ADSS2: variants seen among roughly 807,000 people sequenced by gnomAD.
ADSS2 encodes adenylosuccinate synthase 2.
Under a neutral mutation model 60.0 loss-of-function variants are expected in ADSS2, and 30 were observed. The ratio of observed to expected loss-of-function variants is 0.50; its 90% CI spans 0.37 to 0.68. The LOEUF (loss-of-function observed/expected upper bound fraction) is 0.68, where lower values mean the gene tolerates loss of function less well. ADSS2 is among the 30% of genes least tolerant of loss of function. ADSS2 has a pLI of 0.00. For missense variants in ADSS2, 373 were observed against 554.8 expected (o/e 0.67, Z 3.29); for synonymous variants, 187 against 193.1 (o/e 0.97, Z 0.26).
At chr1:244,445,282 CAACAT>C (rs1373287306) in intron 1 of ADSS2, among the ~76,000 whole-genome samples, 1 of 152,162 alleles carries the variant, frequency 6.6e-6, no homozygotes, top group Non-Finnish European at 1.5e-5. Context: ...AAACTTACTA[CAACAT>C]AATATACACC....
intron 2 of ADSS2, among the ~76,000 whole-genome samples, chr1:244,437,168 A>C (rs1433035336): frequency 5.9e-5 from 9 of 152,208 alleles, no homozygotes. Context: ...GTCACAGTAC[A>C]TGCTAAATCA....
intron 1 of ADSS2, among the ~76,000 whole-genome samples, chr1:244,444,480 A>G (rs1665333394): frequency 1.6e-5 from 2 of 127,310 alleles, no homozygotes; most frequent in Admixed American, 9.0e-5. Context: ...CCGCCACTGC[A>G]CTCCAGCCTG....
chr1:244,413,090 G>C (rs1478495554), intron 11 of ADSS2, among the ~76,000 whole-genome samples: 1 of 152,200 alleles, frequency 6.6e-6, no homozygotes, highest in Non-Finnish European at 1.5e-5. Context: ...TTTGCCAGTA[G>C]GTACCAAGAG....
intron 1 of ADSS2, among the ~76,000 whole-genome samples, chr1:244,441,826 C>G (rs147143809): frequency 6.6e-6 from 1 of 151,860 alleles, no homozygotes; most frequent in East Asian, 1.9e-4. Flanking sequence ...CGTGGTGGCA[C>G]GTGCCTGTAG....
chr1:244,451,583 G>A lies in ADSS2; in HGVS notation c.183+52C>T. On this transcript the variant is annotated intron_variant, in intron 1 of 12. Transcript: ENST00000366535. The surrounding 1 kb of genome is among the most constrained non-coding windows in gnomAD (Gnocchi z 6.6). ...CCGAGTTCCCGGGCACCAGGAGCCA[G>A]GCAGCCCGAGCTCCCGGGCCCGGCT... The A allele has an allele frequency of 6.5e-7, 1 of 1,545,466 alleles. No homozygotes were observed. Among genetic ancestry groups the A allele is most frequent in the Non-Finnish European group, 8.7e-7 (1 of 1,147,540 alleles).
Position 244,451,549 on chromosome 1 carries a change from G to T in ADSS2, c.183+86C>A. 7.0e-7 allele frequency: 1 copy of T among 1,427,320 alleles called. No individual in the cohort carries two copies. Among genetic ancestry groups the T allele is most frequent in the Non-Finnish European group, 9.4e-7 (1 of 1,067,578 alleles). The allele number at this position is 1,427,320 out of a possible 1,614,324, so 88.4% of individuals were successfully genotyped here. ...ACCTCATTTTGGCCAGTGGATCCGG[G>T]TTCTGGGTCCGAGTTCCCGGGCACC... is the stretch of plus-strand genomic sequence containing the variant. On this transcript the variant is annotated intron_variant, in intron 1 of 12. Transcript: ENST00000366535. The surrounding 1 kb of genome is among the most constrained non-coding windows in gnomAD (Gnocchi z 6.6).
At chr1:244,432,666 T>TTC in intron 3 of ADSS2, 71 bp from the exon 4 acceptor site, 1 of 962,970 alleles carries the variant, frequency 1.0e-6, no homozygotes, top group Non-Finnish European at 1.5e-6. Flanking sequence ...ATTTCTTTTT[T>TTC]TTTTTTTTTT....
At position 244,417,711 on chromosome 1, in the gene ADSS2, A is replaced by G. The variant is rs1359226392; in HGVS notation, c.987T>C (p.Gly329=). 2 of 1,613,370 alleles carry G rather than the reference A, an allele frequency of 1.2e-6. No homozygotes were observed. The highest frequency in any genetic ancestry group is 2.7e-5 in the African/African-American group (2 of 74,914). ...ATCTTCTTTTCCTTCCAGTAGTTACACCAAACTCTCTACCCCTTGTTTGTA... is the reference window on the plus strand; with the variant it reads ...ATCTTCTTTTCCTTCCAGTAGTTACGCCAAACTCTCTACCCCTTGTTTGTA... ...ELLQTRGREF[G]VTTGRKRRCG... Residue 329 remains glycine (G), a synonymous_variant, in exon 10 of 13, where the codon GGT becomes GGC. Transcript: ENST00000366535.
chr1:244,427,656 A>C (rs1258666089), intron 4 of ADSS2, among the ~76,000 whole-genome samples: 1 of 152,188 alleles, frequency 6.6e-6, no homozygotes, highest in Admixed American at 6.5e-5. Flanking sequence ...AGTAATCTTA[A>C]GGCAACTCTA....
At chr1:244,424,193 A>G in intron 5 of ADSS2, 128 bp downstream of exon 5, 2 of 1,206,614 alleles carry the variant, frequency 1.7e-6, no homozygotes, top group Non-Finnish European at 1.2e-6. Context: ...ATATGTTCAT[A>G]ATCCTACTGA....
intron 1 of ADSS2, among the ~76,000 whole-genome samples, chr1:244,439,207 G>A (rs1332401782): frequency 6.6e-6 from 1 of 152,212 alleles, no homozygotes; most frequent in Non-Finnish European, 1.5e-5. Flanking sequence ...TTCCATCCAC[G>A]TTGTTGCAAA....
chr1:244,448,561 C>A (rs1010355075), intron 1 of ADSS2, among the ~76,000 whole-genome samples: 1 of 152,158 alleles, frequency 6.6e-6, no homozygotes, highest in Non-Finnish European at 1.5e-5. Flanking sequence ...ACCAAGACCA[C>A]CGAAGTTACT....
intron 1 of ADSS2, among the ~76,000 whole-genome samples, chr1:244,450,545 T>C (rs1174209760): frequency 6.6e-6 from 1 of 152,230 alleles, no homozygotes; most frequent in African/African-American, 2.4e-5. Context: ...CTAGAACATA[T>C]ACAGCATGGC....
At chr1:244,442,177 C>G (rs12734490) in intron 1 of ADSS2, among the ~76,000 whole-genome samples, 14 of 151,878 alleles carry the variant, frequency 9.2e-5, no homozygotes, top group African/African-American at 3.1e-4. Flanking sequence ...ACTCTCTTAG[C>G]TAATATTTTA....
intron 1 of ADSS2, among the ~76,000 whole-genome samples, chr1:244,447,076 C>T (rs115680409): frequency 2.9e-3 from 440 of 152,182 alleles, no homozygotes; most frequent in African/African-American, 9.9e-3. Context: ...CAGGAACTCC[C>T]CTTCATTTAT....
chr1:244,439,871 G>A (rs1316681388), intron 1 of ADSS2, among the ~76,000 whole-genome samples: 2 of 152,186 alleles, frequency 1.3e-5, no homozygotes, highest in Non-Finnish European at 2.9e-5. Context: ...TGATCTAAAC[G>A]CTCCTTCCGT....
chr1:244,440,239 C>T (rs1665203294), intron 1 of ADSS2, among the ~76,000 whole-genome samples: 1 of 152,034 alleles, frequency 6.6e-6, no homozygotes, highest in Middle Eastern at 3.2e-3. Flanking sequence ...CCCATTCTGC[C>T]CGATTCACAA....
Position 244,437,780 on chromosome 1 carries a change from G to A in ADSS2, c.184-12C>T. The A allele has an allele frequency of 1.3e-6, 2 of 1,548,938 alleles. No homozygotes were observed. The highest frequency in any genetic ancestry group is 1.8e-6 in the Non-Finnish European group (2 of 1,121,374). On this transcript the variant is annotated splice_polypyrimidine_tract_variant and intron_variant, in intron 1 of 12. Coordinates refer to ENST00000366535, the MANE Select transcript of ADSS2 (RefSeq NM_001126.5). ...GCATTATTTCCTCCCTAAAATGTAA[G>A]ATAGGGGAAAATTGAGCCTGATGAT... is the stretch of plus-strand genomic sequence containing the variant.
chr1:244,411,677 T>C (rs1158109701), intron 11 of ADSS2, among the ~76,000 whole-genome samples: 1 of 152,224 alleles, frequency 6.6e-6, no homozygotes, highest in African/African-American at 2.4e-5. Flanking sequence ...GGATAAAGAT[T>C]ATGTAATACT....
Sources: allele counts gnomAD v4.1 joint callset (sites outside exome capture counted in the v4.1 genomes callset), GRCh38; gene constraint gnomAD v4.1.1; non-coding constraint Gnocchi (gnomAD v3.1); transcripts MANE v1.5; gene names NCBI Gene and HGNC (gene_info 2026-07-23, HGNC 2026-07-21).